The following AUTS2 variants were observed in gnomAD, a reference collection of about 807,000 sequenced individuals.
The protein encoded by AUTS2 is activator of transcription and developmental regulator AUTS2.
In AUTS2, 17 loss-of-function variants were observed where a neutral mutation model predicts 112.4. The observed-to-expected ratio is 0.15, with a 90% CI of 0.10 to 0.23. The LOEUF is 0.23. Among genes scored for constraint, AUTS2 ranks in the 10% least tolerant of loss-of-function variants. The pLI is 1.00. For synonymous variants in AUTS2, 751 were observed against 702.7 expected, an observed-to-expected ratio of 1.07 and a Z score of -1.09; for missense variants, 1,510 against 1,701.6, an observed-to-expected ratio of 0.89 and a Z score of 1.98.
intron 2 of AUTS2, among the ~76,000 whole-genome samples, chr7:69,925,632 C>T (rs1192520332): frequency 1.3e-5 from 2 of 152,136 alleles, no homozygotes; most frequent in African/African-American, 4.8e-5. Context: ...GTGATCATAG[C>T]TCATTGCACC....
chr7:70,192,851 C>T (rs572645391), intron 4 of AUTS2, among the ~76,000 whole-genome samples: 43 of 152,238 alleles, frequency 2.8e-4, no homozygotes, highest in African/African-American at 1.0e-3. Context: ...GAGCAAATGA[C>T]ATGGACGGGG....
At chr7:70,585,154 A>G (rs1802623341) in intron 5 of AUTS2, among the ~76,000 whole-genome samples, 1 of 152,214 alleles carries the variant, frequency 6.6e-6, no homozygotes, top group Non-Finnish European at 1.5e-5. Context: ...AAACAGGCCA[A>G]TTAAGATGCT....
Position 70,402,487 on chromosome 7 carries a change from G to T in AUTS2, c.661-33265G>T, listed in dbSNP as rs186383488. Among the ~76,000 whole-genome samples, 5 of 152,256 alleles carry T rather than the reference G, an allele frequency of 3.3e-5. No homozygotes were observed. In the East Asian group the frequency reaches 9.7e-4, roughly 29 times the overall value. ...TCTTAGAAGTATCCTGGAAGCTATCGCATTTTCTTAGTAGAGACACAGAGG... is the reference window on the plus strand; with the variant it reads ...TCTTAGAAGTATCCTGGAAGCTATCTCATTTTCTTAGTAGAGACACAGAGG... On this transcript the variant is annotated intron_variant, in intron 4 of 18. Transcript: ENST00000342771.
intron 1 of AUTS2, among the ~76,000 whole-genome samples, chr7:69,712,576 A>G (rs1240883790): frequency 6.6e-6 from 1 of 152,194 alleles, no homozygotes; most frequent in African/African-American, 2.4e-5. Context: ...ATTGCTGAGT[A>G]GTATTCCATT....
At chr7:70,652,387 G>A (rs890922116) in intron 5 of AUTS2, among the ~76,000 whole-genome samples, 5 of 151,940 alleles carry the variant, frequency 3.3e-5, no homozygotes, top group African/African-American at 7.3e-5. Context: ...GCCATTTAAA[G>A]TGTAAAAATG....
At chr7:70,701,515 G>T (rs1001777100) in intron 6 of AUTS2, among the ~76,000 whole-genome samples, 1 of 152,166 alleles carries the variant, frequency 6.6e-6, no homozygotes, top group Non-Finnish European at 1.5e-5. Context: ...TTTGTTCATC[G>T]ATTTTATTTT....
intron 4 of AUTS2, among the ~76,000 whole-genome samples, chr7:70,428,393 C>G (rs941783922): frequency 4.6e-5 from 7 of 152,278 alleles, no homozygotes; most frequent in African/African-American, 1.7e-4. Flanking sequence ...AGTCACCATG[C>G]TGCTATCTTA....
chr7:70,637,001 G>A (rs977529750), intron 5 of AUTS2, among the ~76,000 whole-genome samples: 3 of 152,074 alleles, frequency 2.0e-5, no homozygotes, highest in Admixed American at 6.6e-5. Context: ...TATGTTTATC[G>A]AACACCTGCC....
chr7:70,741,424 G>T (rs1788100772), intron 6 of AUTS2, among the ~76,000 whole-genome samples: 1 of 152,132 alleles, frequency 6.6e-6, no homozygotes, highest in Admixed American at 6.5e-5. Flanking sequence ...GGGCGCGGTG[G>T]CTTACGCCTG....
chr7:70,772,167 C>T lies in AUTS2; in HGVS notation c.1830+523C>T, dbSNP rs979956267. 1.1e-4 allele frequency among the ~76,000 whole-genome samples: 16 copies of T among 152,174 alleles called. No homozygotes were observed. In the South Asian group the frequency reaches 1.2e-3, roughly 12 times the overall value. Reference sequence around the variant, plus strand: ...AGGGCCTGCCGGCAGGTGGGGTGGTCGCCTCCCATTTTGGTCCTCCTTTCT... The same window carrying T: ...AGGGCCTGCCGGCAGGTGGGGTGGTTGCCTCCCATTTTGGTCCTCCTTTCT... On this transcript the variant is annotated intron_variant, in intron 11 of 18. Transcript: ENST00000342771.
In AUTS2 at chr7:70,766,472, G is replaced by T; in HGVS notation, c.1689+138G>T. 8.9e-7 allele frequency: 1 copy of T among 1,121,520 alleles called. No individual in the cohort carries two copies. The allele number at this position is 1,121,520 out of a possible 1,614,324, so 69.5% of individuals were successfully genotyped here. A position where few individuals can be genotyped will look rare whatever the true frequency, so the allele number is the denominator to read the frequency against. ...GGCTGTTGGCTGGAGAGAAGGGAATGTGTCCTAGTGCCCTGCCTCAGGCAG... is the reference window on the plus strand; with the variant it reads ...GGCTGTTGGCTGGAGAGAAGGGAATTTGTCCTAGTGCCCTGCCTCAGGCAG... On this transcript the variant is annotated intron_variant, in intron 9 of 18. Transcript: ENST00000342771. This position sits in a 1 kb window ranked among gnomAD's most constrained non-coding sequence, Gnocchi z 4.8.
chr7:70,085,422 G>A (rs2129565969), intron 2 of AUTS2, among the ~76,000 whole-genome samples: 1 of 151,520 alleles, frequency 6.6e-6, no homozygotes, highest in East Asian at 1.9e-4. Context: ...CTGGAGTGCA[G>A]TGGCACGATC....
chr7:70,688,617 C>T (rs571313938), intron 5 of AUTS2, among the ~76,000 whole-genome samples: 1 of 152,206 alleles, frequency 6.6e-6, no homozygotes, highest in South Asian at 2.1e-4. Flanking sequence ...CGCTTGAGGC[C>T]AGGAGTCAGA....
At chr7:69,953,954 G>T (rs1374601317) in intron 2 of AUTS2, among the ~76,000 whole-genome samples, 2 of 152,104 alleles carry the variant, frequency 1.3e-5, no homozygotes, top group Non-Finnish European at 2.9e-5. Flanking sequence ...TATTTGTGCA[G>T]CTATTCCCTT....
chr7:70,115,938 A>G (rs1805335340), intron 2 of AUTS2, among the ~76,000 whole-genome samples: 1 of 152,180 alleles, frequency 6.6e-6, no homozygotes, highest in African/African-American at 2.4e-5. Flanking sequence ...AACATTCCAG[A>G]GGGAATATGG....
chr7:70,664,181 G>A (rs1807215438), intron 5 of AUTS2, among the ~76,000 whole-genome samples: 1 of 152,206 alleles, frequency 6.6e-6, no homozygotes, highest in Admixed American at 6.5e-5. Context: ...CTGGAAACTT[G>A]TCTTTTCATC....
At chr7:69,762,483 G>A (rs925543639) in intron 1 of AUTS2, among the ~76,000 whole-genome samples, 1 of 151,100 alleles carries the variant, frequency 6.6e-6, no homozygotes, top group Admixed American at 6.6e-5. Context: ...ATTTTTTTGT[G>A]TTTTTGATAG....
In AUTS2 at chr7:69,787,936, CT is replaced by C. The variant is rs1489926888; in HGVS notation, c.310-111346del. ...CCAGCCTCCTAGGAATGAAGTGGAACTTTTATTAAGGACAGATTTTTCAGAG... is the reference window on the plus strand; with the variant it reads ...CCAGCCTCCTAGGAATGAAGTGGAACTTTATTAAGGACAGATTTTTCAGAG... On this transcript the variant is annotated intron_variant, in intron 1 of 18. Coordinates refer to ENST00000342771, the MANE Select transcript of AUTS2 (RefSeq NM_015570.4). Among the ~76,000 whole-genome samples, 4 of 152,246 alleles carry C rather than the reference CT, an allele frequency of 2.6e-5. No homozygotes were observed. In the East Asian group the frequency reaches 7.7e-4, roughly 29 times the overall value.
chr7:70,787,151 T>G lies in AUTS2; in HGVS notation c.2309-58T>G, dbSNP rs1393224411. ...AAAAGTTTTTTGGTAAGTACCTTCA[T>G]TACAGCAGATTATATAATTTCTCTT... is the stretch of plus-strand genomic sequence containing the variant. On this transcript the variant is annotated intron_variant, in intron 17 of 18. Coordinates refer to ENST00000342771, the MANE Select transcript of AUTS2 (RefSeq NM_015570.4). 6 of 1,542,150 alleles carry G rather than the reference T, an allele frequency of 3.9e-6. No homozygotes were observed. In the South Asian group the frequency reaches 6.9e-5, roughly 18 times the overall value.
Sources: allele counts gnomAD v4.1 joint callset (sites outside exome capture counted in the v4.1 genomes callset), GRCh38; gene constraint gnomAD v4.1.1; non-coding constraint Gnocchi (gnomAD v3.1); transcripts MANE v1.5; gene names NCBI Gene and HGNC (gene_info 2026-07-23, HGNC 2026-07-21).